TLK1: variants seen among roughly 807,000 people sequenced by gnomAD.
TLK1 encodes serine/threonine-protein kinase tousled-like 1.
A neutral mutation model predicts 105.3 loss-of-function variants in TLK1; 24 were observed. The observed-to-expected ratio is 0.23, with a 90% CI of 0.17 to 0.32. TLK1 has a LOEUF of 0.32. Among genes scored for constraint, TLK1 ranks in the 10% least tolerant of loss-of-function variants. TLK1 has a pLI of 1.00. For synonymous variants in TLK1, 321 were observed against 310.4 expected (o/e 1.03, Z -0.36); for missense variants, 558 against 910.5 (o/e 0.61, Z 4.98).
At chr2:171,012,863 A>G (rs1332565159) in intron 13 of TLK1, among the ~76,000 whole-genome samples, 2 of 152,164 alleles carry the variant, frequency 1.3e-5, no homozygotes, top group African/African-American at 4.8e-5. Flanking sequence ...ACTTGTAGAT[A>G]TAAGAAATTT....
intron 12 of TLK1, chr2:171,023,175 A>C (rs898517973): frequency 1.5e-5 from 7 of 470,898 alleles, no homozygotes; most frequent in Non-Finnish European, 3.1e-5. Context: ...CATCGCAAGG[A>C]GCAAAGGAGA....
intron 1 of TLK1, among the ~76,000 whole-genome samples, chr2:171,218,019 G>A (rs565634827): frequency 4.0e-4 from 61 of 152,214 alleles, no homozygotes; most frequent in African/African-American, 1.2e-3. Context: ...TTTGGGAGGC[G>A]GAGGCGGGCA....
chr2:171,095,176 A>T (rs573884820), intron 2 of TLK1, among the ~76,000 whole-genome samples: 1 of 152,344 alleles, frequency 6.6e-6, no homozygotes, highest in African/African-American at 2.4e-5. Context: ...ACATTTAAAA[A>T]GAGATCTTGA....
intron 11 of TLK1, among the ~76,000 whole-genome samples, chr2:171,038,106 T>C (rs1244134636): frequency 6.6e-6 from 1 of 152,218 alleles, no homozygotes; most frequent in East Asian, 1.9e-4. Flanking sequence ...TTTAAATTTG[T>C]CAATTTCACA....
intron 12 of TLK1, among the ~76,000 whole-genome samples, chr2:171,018,484 A>G (rs915349869): frequency 2.6e-5 from 4 of 152,210 alleles, no homozygotes; most frequent in African/African-American, 9.7e-5. Context: ...TTTGCTACAG[A>G]TCATTTCCAA....
intron 1 of TLK1, among the ~76,000 whole-genome samples, chr2:171,194,409 G>A (rs1339622251): frequency 6.6e-6 from 1 of 152,152 alleles, no homozygotes; most frequent in African/African-American, 2.4e-5. Context: ...CATGAGCAAG[G>A]TCGATCATTT....
In TLK1 at chr2:171,224,442, T is replaced by G. The variant is rs1375537521; in HGVS notation, c.-6+6703A>C. 3.7e-5 allele frequency among the ~76,000 whole-genome samples: 5 copies of G among 136,426 alleles called. No individual in the cohort carries two copies. The East Asian group carries it at 1.7e-3, about 47-fold the overall frequency. 89.5% of individuals were successfully genotyped at this position (136,426 alleles called of 152,430 possible). On this transcript the variant is annotated intron_variant, in intron 1 of 20. Coordinates refer to the TLK1 transcript ENST00000521943. The stretch of plus-strand genomic sequence containing the variant: ...TTCTGGGTCTTTAAATTTCATAATT[T>G]TTTTTTTCTCCAAGAAAAATGCCAC...
At chr2:171,227,049 C>T (rs1414657398) in intron 1 of TLK1, among the ~76,000 whole-genome samples, 1 of 152,078 alleles carries the variant, frequency 6.6e-6, no homozygotes, top group Non-Finnish European at 1.5e-5. Context: ...AACTTTTCTC[C>T]TACAGCTGCA....
intron 11 of TLK1, among the ~76,000 whole-genome samples, chr2:171,043,359 A>T (rs954253736): frequency 6.6e-6 from 1 of 152,192 alleles, no homozygotes; most frequent in African/African-American, 2.4e-5. Flanking sequence ...AGTGAAGTAG[A>T]AGTACTGAGT....
chr2:170,996,332 T>C (rs1225101958), intron 20 of TLK1, among the ~76,000 whole-genome samples: 2 of 152,184 alleles, frequency 1.3e-5, no homozygotes, highest in Admixed American at 6.5e-5. Context: ...TATATACTTA[T>C]ATATCTCAGT....
In TLK1 at chr2:171,170,812, C is replaced by T. The variant is rs1390215477; in HGVS notation, c.-5-52955G>A. ...CACAATGGACAAATGTCAAACCACC[C>T]AAATAGTCAAGAAATTTAAATTAAA... On this transcript the variant is annotated intron_variant, in intron 1 of 20. Transcript: ENST00000521943. Among the ~76,000 whole-genome samples, 5 of 152,112 alleles carry T rather than the reference C, an allele frequency of 3.3e-5. No homozygotes were observed. In the East Asian group the frequency reaches 5.8e-4, roughly 18 times the overall value.
chr2:171,159,882 G>C (rs1692389462), intron 1 of TLK1: 1 of 163,506 alleles, frequency 6.1e-6, no homozygotes, highest in South Asian at 2.0e-4. Context: ...GCTCGAGGAC[G>C]AAGGCTCCAG....
chr2:171,150,712 G>A (rs182024748), intron 1 of TLK1, among the ~76,000 whole-genome samples: 2 of 152,350 alleles, frequency 1.3e-5, no homozygotes, highest in South Asian at 2.1e-4. Flanking sequence ...CCAGAAAGGA[G>A]ACAAAGAAAC....
At chr2:171,121,673 T>C (rs1398925935) in intron 1 of TLK1, among the ~76,000 whole-genome samples, 1 of 152,252 alleles carries the variant, frequency 6.6e-6, no homozygotes, top group African/African-American at 2.4e-5. Flanking sequence ...GTATGTGCTA[T>C]ATACTATGCC....
At chr2:171,028,034 A>G (rs1311166774) in intron 12 of TLK1, among the ~76,000 whole-genome samples, 2 of 152,242 alleles carry the variant, frequency 1.3e-5, no homozygotes, top group East Asian at 3.9e-4. Flanking sequence ...GTGGTGGCGC[A>G]TGCCTGTAAT....
chr2:171,223,468 C>T (rs1693843648), intron 1 of TLK1, among the ~76,000 whole-genome samples: 1 of 140,664 alleles, frequency 7.1e-6, no homozygotes, highest in Non-Finnish European at 1.5e-5. Flanking sequence ...AATGTCTATT[C>T]AGGTATTTTG....
intron 8 of TLK1, among the ~76,000 whole-genome samples, chr2:171,052,165 T>C (rs1359046655): frequency 6.6e-6 from 1 of 151,602 alleles, no homozygotes; most frequent in Non-Finnish European, 1.5e-5. Flanking sequence ...GAGCCTGAGG[T>C]AGAAATATTG....
intron 1 of TLK1, among the ~76,000 whole-genome samples, chr2:171,194,580 G>C (rs1397755704): frequency 6.6e-6 from 1 of 152,126 alleles, no homozygotes; most frequent in Non-Finnish European, 1.5e-5. Flanking sequence ...CACTTTGGGA[G>C]GCCGAGGCGG....
intron 12 of TLK1, among the ~76,000 whole-genome samples, chr2:171,027,095 G>A (rs1227446093): frequency 2.0e-5 from 3 of 152,042 alleles, no homozygotes; most frequent in African/African-American, 7.2e-5. Context: ...ATAAATGGTA[G>A]GAATCCCCAG....
Sources: allele counts gnomAD v4.1 joint callset (sites outside exome capture counted in the v4.1 genomes callset), GRCh38; gene constraint gnomAD v4.1.1; transcripts MANE v1.5; gene names NCBI Gene and HGNC (gene_info 2026-07-23, HGNC 2026-07-21).